Variants in CACNB4 observed in about 807,000 individuals in gnomAD.
CACNB4 encodes the protein calcium voltage-gated channel auxiliary subunit beta 4, also known as voltage-dependent L-type calcium channel subunit beta-4.
In CACNB4, 32 loss-of-function variants were observed where a neutral mutation model predicts 71.2. The ratio of observed to expected loss-of-function variants is 0.45; its 90% confidence interval spans 0.34 to 0.60. The LOEUF (loss-of-function observed/expected upper bound fraction) is 0.60, where lower values mean the gene tolerates loss of function less well. Ranked by LOEUF, CACNB4 falls within the 20% of genes least tolerant of loss-of-function variation. The pLI, the probability that CACNB4 is intolerant of heterozygous loss-of-function variation, is 0.01. For missense variants in CACNB4, 464 were observed against 647.9 expected (o/e 0.72, Z 3.08); for synonymous variants, 231 against 236.9 (o/e 0.97, Z 0.23).
chr2:151,845,776 T>C (rs1039233131), intron 12 of CACNB4, among the ~76,000 whole-genome samples: 2 of 152,238 alleles, frequency 1.3e-5, no homozygotes, highest in African/African-American at 4.8e-5. Context: ...TGCCCTTGTA[T>C]GATGGGATAT....
intron 2 of CACNB4, among the ~76,000 whole-genome samples, chr2:152,009,676 A>C (rs1378867528): frequency 6.6e-6 from 1 of 152,194 alleles, no homozygotes; most frequent in African/African-American, 2.4e-5. Flanking sequence ...CCTTTGTGCC[A>C]TTAATTTCCT....
chr2:151,879,192 T>C (rs1437799453), intron 4 of CACNB4, among the ~76,000 whole-genome samples: 1 of 152,222 alleles, frequency 6.6e-6, no homozygotes, highest in East Asian at 1.9e-4. Context: ...TGAAGTGGCA[T>C]AGCCCACTGG....
At chr2:151,857,253 C>T (rs1028023768) in intron 10 of CACNB4, 3 of 152,086 alleles carry the variant, frequency 2.0e-5, no homozygotes, top group South Asian at 4.1e-4. Context: ...TCTTATTTCC[C>T]ATAGAATCAC....
intron 2 of CACNB4, among the ~76,000 whole-genome samples, chr2:152,063,777 T>C (rs894834214): frequency 1.3e-5 from 2 of 152,164 alleles, no homozygotes; most frequent in Non-Finnish European, 2.9e-5. Flanking sequence ...GGCAGATGCC[T>C]ACCTAAAAGA....
At chr2:152,093,400 G>GGTGTGTGTGTGTGTGTGTGTGTGTGT (rs34845177) in intron 2 of CACNB4, among the ~76,000 whole-genome samples, 7 of 146,558 alleles carry the variant, frequency 4.8e-5, no homozygotes, top group African/African-American at 1.7e-4. Flanking sequence ...GCTGTTTTTT[G>GGTGTGTGTGTGTGTGTGTGTGTGTGT]GTGTGTGTGT....
At position 151,951,963 on chromosome 2, in the gene CACNB4, T is replaced by C. The variant is rs2099867008; in HGVS notation, c.148-68593A>G. ...AATTGAATGGCCTGGAGGCTCTGGG[T>C]ATGAACATCAATTCTGCCATAGACT... On this transcript the variant is annotated intron_variant, in intron 2 of 13. Transcript: ENST00000539935. Among the ~76,000 whole-genome samples the C allele has an allele frequency of 5.3e-5, 8 of 152,168 alleles. No individual in the cohort carries two copies. In the South Asian group the frequency reaches 1.7e-3, roughly 32 times the overall value.
intron 2 of CACNB4, among the ~76,000 whole-genome samples, chr2:151,947,792 A>C (rs1271537238): frequency 6.6e-6 from 1 of 152,108 alleles, no homozygotes; most frequent in Non-Finnish European, 1.5e-5. Context: ...GAGAGATAAG[A>C]TCAGATTTCA....
Position 151,973,740 on chromosome 2 carries a change from T to C in CACNB4, c.148-90370A>G, listed in dbSNP as rs766513174. 3.1e-6 allele frequency: 5 copies of C among 1,610,458 alleles called. No individual in the cohort carries two copies. In the South Asian group the frequency reaches 5.5e-5, roughly 18 times the overall value. ...GAGGTGTGATAATCCAGAGCACCTCTTTCAAGGCAAAAACAAAATTGCTGC... is the reference window on the plus strand; with the variant it reads ...GAGGTGTGATAATCCAGAGCACCTCCTTCAAGGCAAAAACAAAATTGCTGC... On this transcript the variant is annotated intron_variant, in intron 2 of 13. Coordinates refer to ENST00000539935, the MANE Select transcript of CACNB4 (RefSeq NM_000726.5).
intron 2 of CACNB4, among the ~76,000 whole-genome samples, chr2:151,905,935 T>C (rs1293718555): frequency 6.6e-6 from 1 of 152,260 alleles, no homozygotes; most frequent in African/African-American, 2.4e-5. Flanking sequence ...ACAGCCAGAT[T>C]ACCTTTAAGT....
intron 6 of CACNB4, chr2:151,871,144 C>G: frequency 2.2e-6 from 1 of 455,964 alleles, no homozygotes; most frequent in Non-Finnish European, 3.9e-6. Flanking sequence ...ACTGGAAGTT[C>G]CGGGCCAGCC....
chr2:151,847,557 C>T (rs1301498305), intron 12 of CACNB4, among the ~76,000 whole-genome samples: 4 of 152,108 alleles, frequency 2.6e-5, no homozygotes, highest in Non-Finnish European at 4.4e-5. Context: ...CACTGGTCAA[C>T]TAATGATGGG....
intron 3 of CACNB4, 38 bp downstream of exon 3, chr2:151,883,213 G>A (rs377620745): frequency 7.9e-5 from 127 of 1,610,732 alleles, no homozygotes; most frequent in Non-Finnish European, 1.0e-4. Flanking sequence ...ACTGAGCAAC[G>A]ACCCACTTTT....
At chr2:151,875,545 G>T (rs2151425182) in intron 5 of CACNB4, among the ~76,000 whole-genome samples, 1 of 151,578 alleles carries the variant, frequency 6.6e-6, no homozygotes, top group South Asian at 2.1e-4. Context: ...GGGCAGAGGG[G>T]CTCCTCACTT....
At chr2:151,907,817 C>T (rs1481389964) in intron 2 of CACNB4, among the ~76,000 whole-genome samples, 1 of 152,346 alleles carries the variant, frequency 6.6e-6, no homozygotes, top group East Asian at 1.9e-4. Flanking sequence ...GGAAAGTCCT[C>T]TTCACTGGCT....
chr2:152,016,222 C>T (rs907590475), intron 2 of CACNB4, among the ~76,000 whole-genome samples: 28 of 152,160 alleles, frequency 1.8e-4, no homozygotes, highest in African/African-American at 5.1e-4. Context: ...TGCAGTACTA[C>T]AAAATTGTTA....
At chr2:151,932,643 G>A (rs1560019923) in intron 2 of CACNB4, among the ~76,000 whole-genome samples, 1 of 151,850 alleles carries the variant, frequency 6.6e-6, no homozygotes, top group Admixed American at 6.6e-5. Flanking sequence ...AATTTGACCC[G>A]CCTGGCCAAC....
chr2:151,979,143 C>A (rs1478118843), intron 2 of CACNB4, among the ~76,000 whole-genome samples: 1 of 152,060 alleles, frequency 6.6e-6, no homozygotes, highest in Admixed American at 6.6e-5. Context: ...AATCCTGTAA[C>A]AAATGCTACT....
intron 2 of CACNB4, among the ~76,000 whole-genome samples, chr2:152,086,310 G>C (rs1687659764): frequency 6.6e-6 from 1 of 152,110 alleles, no homozygotes; most frequent in African/African-American, 2.4e-5. Flanking sequence ...CCTCAACAAA[G>C]AAACAGAAAG....
intron 2 of CACNB4, among the ~76,000 whole-genome samples, chr2:152,018,372 C>A (rs1683464234): frequency 6.6e-6 from 1 of 151,882 alleles, no homozygotes; most frequent in Non-Finnish European, 1.5e-5. Flanking sequence ...CCTGAGCCCT[C>A]TACACACCTG....
Sources: allele counts gnomAD v4.1 joint callset (sites outside exome capture counted in the v4.1 genomes callset), GRCh38; gene constraint gnomAD v4.1.1; transcripts MANE v1.5; gene names NCBI Gene and HGNC (gene_info 2026-07-23, HGNC 2026-07-21).